The following TTF2 variants were observed in gnomAD, a reference collection of about 807,000 sequenced individuals.
The protein encoded by TTF2 is transcription termination factor 2.
A neutral mutation model predicts 142.4 loss-of-function variants in TTF2; 108 were observed. The observed-to-expected ratio is 0.76, with a 90% confidence interval of 0.65 to 0.89. The LOEUF is 0.89. TTF2 is among the 40% of genes least tolerant of loss of function. The pLI is 0.00. For synonymous variants in TTF2, 483 were observed against 506.2 expected (o/e 0.95, Z 0.61); for missense variants, 1,327 against 1,379.8 (o/e 0.96, Z 0.61).
intron 3 of TTF2, among the ~76,000 whole-genome samples, chr1:117,072,206 T>C (rs939371174): frequency 6.6e-6 from 1 of 152,132 alleles, no homozygotes; most frequent in African/African-American, 2.4e-5. Context: ...TAAATCTGTA[T>C]TCAGCCTTCT....
intron 3 of TTF2, among the ~76,000 whole-genome samples, chr1:117,065,318 T>A (rs1452596513): frequency 6.6e-6 from 1 of 152,224 alleles, no homozygotes; most frequent in Non-Finnish European, 1.5e-5. Context: ...TATTTATGAC[T>A]TTAAAAATGT....
At chr1:117,064,434 A>T (rs867112022) in intron 3 of TTF2, among the ~76,000 whole-genome samples, 2 of 152,094 alleles carry the variant, frequency 1.3e-5, no homozygotes, top group Non-Finnish European at 2.9e-5. Context: ...TTTTTGTCTG[A>T]TCTCCAAGAA....
rs895268193 is a variant in TTF2, at chr1:117,096,658, G to A, written c.3186+359G>A. Among the ~76,000 whole-genome samples the A allele has an allele frequency of 3.3e-5, 5 of 152,190 alleles. No homozygotes were observed. The South Asian group carries it at 6.2e-4, about 19-fold the overall frequency. ...CTCCCAAAGTGCTGGGGTTACAGGC[G>A]TAAGCCACCGTGCCCAGCCATATAA... On this transcript the variant is annotated intron_variant, in intron 20 of 22. Transcript: ENST00000369466.
intron 3 of TTF2, among the ~76,000 whole-genome samples, chr1:117,065,523 G>T (rs544074268): frequency 6.6e-6 from 1 of 152,122 alleles, no homozygotes; most frequent in East Asian, 1.9e-4. Flanking sequence ...GCGTGAACCC[G>T]GAGGCAGAGC....
chr1:117,074,910 AGCATGCATCTGAGACATTTCATC>A lies in TTF2; in HGVS notation c.327_349del (p.His110PhefsTer13). 6.2e-7 allele frequency: 1 copy of A among 1,610,274 alleles called. No homozygotes were observed. The highest frequency in any genetic ancestry group is 1.3e-5 in the African/African-American group (1 of 74,586). ...GAACATTCTGTATCCAATAAGTCTC[AGCATGCATCTGAGACATTTCATC>A]ATTCTTCCAACTGGCTGAGAAATCC... On this transcript the variant is annotated frameshift_variant, in exon 5 of 23. Transcript: ENST00000369466. LOFTEE classifies it high-confidence loss of function.
Position 117,073,603 on chromosome 1 carries a change from A to C in TTF2, c.219-58A>C, listed in dbSNP as rs1208984745. On this transcript the variant is annotated intron_variant, in intron 3 of 22. Transcript: ENST00000369466. This position sits in a 1 kb window ranked among gnomAD's most constrained non-coding sequence, Gnocchi z 4.4. ...GTTTTCTTGGATTAAAAATAAGCTT[A>C]TCTCTTGTTCTAATGGATTTTCATA... is the stretch of plus-strand genomic sequence containing the variant. The C allele has an allele frequency of 6.7e-6, 10 of 1,499,686 alleles. No homozygotes were observed. The East Asian group carries it at 2.1e-4, about 32-fold the overall frequency. 92.9% of individuals were successfully genotyped at this position (1,499,686 alleles called of 1,614,324 possible). A position where few individuals can be genotyped will look rare whatever the true frequency, so the allele number is the denominator to read the frequency against.
intron 19 of TTF2, 84 bp downstream of exon 19, chr1:117,095,451 T>A: frequency 7.8e-7 from 1 of 1,283,016 alleles, no homozygotes; most frequent in Non-Finnish European, 1.1e-6. Flanking sequence ...AATCAAGGAC[T>A]GTGAGTCATG....
intron 3 of TTF2, among the ~76,000 whole-genome samples, chr1:117,066,693 G>A (rs1656160415): frequency 8.5e-6 from 1 of 117,740 alleles, no homozygotes; most frequent in Non-Finnish European, 1.7e-5. Flanking sequence ...GACTAATCAT[G>A]TCTTTTTTTT....
At position 117,097,206 on chromosome 1, in the gene TTF2, TAA is replaced by T. The variant is rs11330257; in HGVS notation, c.3187-135_3187-134del. ...GACATGGGAGATAGCATTATAATGT[TAA>T]AAAAAAAAACAATTTATAACAGCAG... On this transcript the variant is annotated intron_variant, in intron 20 of 22. Coordinates refer to ENST00000369466, the MANE Select transcript of TTF2 (RefSeq NM_003594.4). This position sits in a 1 kb window ranked among gnomAD's most constrained non-coding sequence, Gnocchi z 4.1. 1.7e-4 allele frequency: 99 copies of T among 593,618 alleles called. No individual in the cohort carries two copies. The highest frequency in any genetic ancestry group is 2.8e-4 in the Middle Eastern group (1 of 3,618). 36.8% of individuals were successfully genotyped at this position (593,618 alleles called of 1,614,324 possible).
rs1199717880 is a variant in TTF2, at chr1:117,102,806, C to G, written c.*1282C>G. The G allele has an allele frequency of 6.6e-6, 1 of 151,634 alleles. No individual in the cohort carries two copies. 9.4% of individuals were successfully genotyped at this position (151,634 alleles called of 1,614,324 possible). On this transcript the variant is annotated 3_prime_UTR_variant, in exon 23 of 23. Transcript: ENST00000369466. ...ATAATACTATTGGTACAATCCAATA[C>G]TAATAATACTAACAGTAGTATTGAT...
rs761825380 is a variant in TTF2 at position 117,073,701 on chromosome 1, C to G, written c.259C>G (p.Arg87Gly). The G allele has an allele frequency of 4.3e-6, 7 of 1,612,070 alleles. No individual in the cohort carries two copies. The highest frequency in any genetic ancestry group is 5.9e-6 in the Non-Finnish European group (7 of 1,178,724). Reference protein sequence around the residue: ...RCIRSKAEGKRWCGSIPWQDP... With the variant: ...RCIRSKAEGKGWCGSIPWQDP... ...CATTAGAAGTAAGGCAGAGGGGAAA[C>G]GCTGGTGTGGAAGTATTCCATGGCA... Residue 87 changes from arginine to glycine, a missense_variant, in exon 4 of 23, where the codon CGC becomes GGC. By Grantham distance (125) the Arg-to-Gly change is moderately radical. Coordinates refer to ENST00000369466, the MANE Select transcript of TTF2 (RefSeq NM_003594.4). The surrounding 1 kb of genome is among the most constrained non-coding windows in gnomAD (Gnocchi z 4.4).
chr1:117,089,349 C>T (rs1447512908), intron 13 of TTF2, among the ~76,000 whole-genome samples: 1 of 150,844 alleles, frequency 6.6e-6, no homozygotes, highest in African/African-American at 2.4e-5. Context: ...CTAGGGCTAG[C>T]ACTACAATTT....
intron 3 of TTF2, among the ~76,000 whole-genome samples, chr1:117,066,859 C>T (rs901442677): frequency 5.9e-5 from 9 of 152,118 alleles, no homozygotes; most frequent in South Asian, 4.2e-4. Flanking sequence ...TGTGTCACGA[C>T]GCCCAGCTAA....
At chr1:117,094,610 G>T (rs1169243455) in intron 18 of TTF2, 1 of 474,256 alleles carries the variant, frequency 2.1e-6, no homozygotes, top group Non-Finnish European at 4.4e-6. Flanking sequence ...CCATAAAGTG[G>T]GTAAAGCTCT....
chr1:117,072,733 C>G (rs1656699643), intron 3 of TTF2, among the ~76,000 whole-genome samples: 1 of 152,066 alleles, frequency 6.6e-6, no homozygotes, highest in African/African-American at 2.4e-5. Flanking sequence ...AAGATATGAA[C>G]TATTTTTTAA....
intron 13 of TTF2, among the ~76,000 whole-genome samples, chr1:117,089,431 G>A (rs1202283658): frequency 6.6e-6 from 1 of 152,086 alleles, no homozygotes; most frequent in Non-Finnish European, 1.5e-5. Context: ...GGTCATACCT[G>A]TAATCTCCAC....
In TTF2 at chr1:117,092,070, T is replaced by G; in HGVS notation, c.2805+120T>G. 1 of 1,172,480 alleles carries G rather than the reference T, an allele frequency of 8.5e-7. No individual in the cohort carries two copies. Among genetic ancestry groups the G allele is most frequent in the Non-Finnish European group, 1.2e-6 (1 of 869,080 alleles). The allele number at this position is 1,172,480 out of a possible 1,614,324, so 72.6% of individuals were successfully genotyped here. A position where few individuals can be genotyped will look rare whatever the true frequency, so the allele number is the denominator to read the frequency against. On this transcript the variant is annotated intron_variant, in intron 17 of 22. Coordinates refer to ENST00000369466, the MANE Select transcript of TTF2 (RefSeq NM_003594.4). The surrounding 1 kb of genome is among the most constrained non-coding windows in gnomAD (Gnocchi z 4.4). The stretch of plus-strand genomic sequence containing the variant: ...TGATCAAAGGAAATGCTGTTTCGGT[T>G]TTTCTATTTTTGTTTTTTGGTGGGT...
intron 3 of TTF2, among the ~76,000 whole-genome samples, chr1:117,064,611 G>C (rs894700579): frequency 6.6e-6 from 1 of 152,120 alleles, no homozygotes; most frequent in Non-Finnish European, 1.5e-5. Context: ...ACCATCTCCT[G>C]GGTTCAAGCA....
intron 20 of TTF2, among the ~76,000 whole-genome samples, chr1:117,096,738 G>A (rs563824258): frequency 6.6e-6 from 1 of 152,296 alleles, no homozygotes; most frequent in African/African-American, 2.4e-5. Flanking sequence ...TCCTCCGAGT[G>A]TTTAGAATTT....
Sources: allele counts gnomAD v4.1 joint callset (sites outside exome capture counted in the v4.1 genomes callset), GRCh38; gene constraint gnomAD v4.1.1; non-coding constraint Gnocchi (gnomAD v3.1); transcripts MANE v1.5; gene names NCBI Gene and HGNC (gene_info 2026-07-23, HGNC 2026-07-21).